Variants in CEP85L observed in about 807,000 individuals in gnomAD.
CEP85L encodes centrosomal protein of 85 kDa-like.
Under a neutral mutation model 100.3 loss-of-function variants are expected in CEP85L, and 60 were observed. The observed-to-expected ratio is 0.60, with a 90% CI of 0.49 to 0.74. CEP85L has a LOEUF of 0.74. CEP85L is among the 30% of genes least tolerant of loss of function. CEP85L has a pLI of 0.00. For missense variants in CEP85L, 973 were observed against 936.2 expected, an observed-to-expected ratio of 1.04 and a Z score of -0.51; for synonymous variants, 319 against 322.7, an observed-to-expected ratio of 0.99 and a Z score of 0.12.
At chr6:118,470,439 T>C (rs1028375081) in intron 11 of CEP85L, 98 bp downstream of exon 11, 26 of 569,028 alleles carry the variant, frequency 4.6e-5, no homozygotes, top group African/African-American at 3.5e-4. Flanking sequence ...CATATCAAAA[T>C]CATGTCTTTA....
At chr6:118,544,941 T>C (rs1778109049) in intron 3 of CEP85L, among the ~76,000 whole-genome samples, 1 of 152,154 alleles carries the variant, frequency 6.6e-6, no homozygotes, top group South Asian at 2.1e-4. Flanking sequence ...GAACCAGTCC[T>C]TCCCTACGTA....
At chr6:118,671,532 G>A (rs868569782) in intron 1 of CEP85L, among the ~76,000 whole-genome samples, 1 of 152,134 alleles carries the variant, frequency 6.6e-6, no homozygotes, top group Non-Finnish European at 1.5e-5. Context: ...CCCTTTTGTT[G>A]TTGAAACTTA....
chr6:118,522,371 A>C (rs2114780032), intron 4 of CEP85L, among the ~76,000 whole-genome samples: 1 of 152,284 alleles, frequency 6.6e-6, no homozygotes, highest in Non-Finnish European at 1.5e-5. Context: ...AATTATATAA[A>C]ATTGCACCTA....
upstream of CEP85L, among the ~76,000 whole-genome samples, chr6:118,653,291 C>G: frequency 6.6e-6 from 1 of 152,136 alleles, no homozygotes; most frequent in Middle Eastern, 3.2e-3. Context: ...ACATGTTGCT[C>G]TTTTGGCACT....
At chr6:118,483,909 A>T in intron 6 of CEP85L, 51 bp from the exon 7 acceptor site, 1 of 1,545,936 alleles carries the variant, frequency 6.5e-7, no homozygotes, top group Non-Finnish European at 8.8e-7. Flanking sequence ...ATTAAAAGAT[A>T]TAACAAAACC....
chr6:118,586,546 T>G (rs1562285646), intron 2 of CEP85L, among the ~76,000 whole-genome samples: 1 of 151,954 alleles, frequency 6.6e-6, no homozygotes, highest in Non-Finnish European at 1.5e-5. Context: ...CAATAAAAGG[T>G]ACAGGAATCG....
intron 3 of CEP85L, among the ~76,000 whole-genome samples, chr6:118,532,095 A>C (rs1425371800): frequency 6.6e-6 from 1 of 152,198 alleles, no homozygotes; most frequent in Non-Finnish European, 1.5e-5. Flanking sequence ...TATGGAATCA[A>C]CCTAAATGCC....
intron 1 of CEP85L, among the ~76,000 whole-genome samples, chr6:118,648,607 T>C (rs997779596): frequency 1.3e-5 from 2 of 151,868 alleles, no homozygotes; most frequent in Non-Finnish European, 2.9e-5. Context: ...CCGGGTGTGG[T>C]GGCGGGAGCC....
chr6:118,510,046 T>C (rs1775879875), intron 5 of CEP85L, among the ~76,000 whole-genome samples: 2 of 152,116 alleles, frequency 1.3e-5, no homozygotes, highest in South Asian at 4.1e-4. Flanking sequence ...CAAATAAATT[T>C]AGAAGGAATA....
Position 118,564,087 on chromosome 6 carries a change from A to G in CEP85L, c.1020+1442T>C, listed in dbSNP as rs149620291. Among the ~76,000 whole-genome samples, 52 of 152,178 alleles carry G rather than the reference A, an allele frequency of 3.4e-4. 1 individual carries two copies. In the East Asian group the frequency reaches 9.1e-3, roughly 27 times the overall value. On this transcript the variant is annotated intron_variant, in intron 3 of 12. Coordinates refer to ENST00000368491, the MANE Select transcript of CEP85L (RefSeq NM_001042475.3). ...ACTATGCACTAGAAAGAAGATTTAA[A>G]AACAAATTTATCTCAACAGTGTGTC...
intron 3 of CEP85L, among the ~76,000 whole-genome samples, chr6:118,537,337 CAG>C (rs1238774741): frequency 9.2e-5 from 14 of 152,058 alleles, no homozygotes; most frequent in African/African-American, 3.4e-4. Flanking sequence ...AAAGGTGAAA[CAG>C]AGACATTTTT....
Position 118,702,339 on chromosome 6 carries a change from C to T in CEP85L, c.-28+7697G>A, listed in dbSNP as rs148850231. ...CAGCCTTGGCAACATAGGGAGACCC[C>T]ATCTCTACAAAATATATTTTAAATT... On this transcript the variant is annotated intron_variant, in intron 1 of 13. Coordinates refer to the CEP85L transcript ENST00000368488. 3.3e-3 allele frequency among the ~76,000 whole-genome samples: 499 copies of T among 152,026 alleles called. 4 individuals carry two copies. The highest frequency in any genetic ancestry group is 0.012 in the African/African-American group (487 of 41,478).
intron 3 of CEP85L, among the ~76,000 whole-genome samples, chr6:118,546,380 G>A (rs1380134119): frequency 6.6e-6 from 1 of 151,794 alleles, no homozygotes; most frequent in African/African-American, 2.4e-5. Flanking sequence ...TTCTGTCTAC[G>A]GCAGCTTCTT....
chr6:118,628,440 G>T (rs911219629), intron 2 of CEP85L, among the ~76,000 whole-genome samples: 7 of 151,710 alleles, frequency 4.6e-5, no homozygotes, highest in Non-Finnish European at 7.4e-5. Flanking sequence ...TAGTAGACTG[G>T]ACTTGGCACA....
At chr6:118,707,669 A>C (rs189062221) in intron 1 of CEP85L, among the ~76,000 whole-genome samples, 21 of 152,338 alleles carry the variant, frequency 1.4e-4, no homozygotes, top group African/African-American at 4.3e-4. Flanking sequence ...GATACATAGA[A>C]ATTTTTAGGT....
At chr6:118,581,260 A>G (rs1780561274) in intron 2 of CEP85L, among the ~76,000 whole-genome samples, 1 of 152,190 alleles carries the variant, frequency 6.6e-6, no homozygotes, top group Non-Finnish European at 1.5e-5. Context: ...CAACAGAGAC[A>G]GTACTTAATT....
chr6:118,651,270 C>G lies in CEP85L; in HGVS notation c.-1G>C. The G allele has an allele frequency of 6.7e-7, 1 of 1,488,550 alleles. No individual in the cohort carries two copies. The highest frequency in any genetic ancestry group is 8.9e-7 in the Non-Finnish European group (1 of 1,124,178). The allele number at this position is 1,488,550 out of a possible 1,614,324, so 92.2% of individuals were successfully genotyped here. A position where few individuals can be genotyped will look rare whatever the true frequency, so the allele number is the denominator to read the frequency against. ...CCGGAGCCAGGAAGCGCCCCCACAT[C>G]GCGGGCGAGAGGGCCGGGTGGGCCA... On this transcript the variant is annotated 5_prime_UTR_variant, in exon 1 of 13. Transcript: ENST00000368491.
rs1772754506 is a variant in CEP85L at position 118,469,203 on chromosome 6, T to A, written c.2123A>T (p.Asp708Val). 1 of 1,613,948 alleles carries A rather than the reference T, an allele frequency of 6.2e-7. No individual in the cohort carries two copies. Among genetic ancestry groups the A allele is most frequent in the Admixed American group, 1.7e-5 (1 of 59,994 alleles). ...GAACAGCTGATCAATCACAGTCAAA[T>A]CAAATAGTGGCCGTTTGGAAAGAAC... ...QTVLSKRPLF[D>V]LTVIDQLFKE... The change falls in exon 12 of 13, where the codon GAT (aspartate) becomes GTT (valine). Residue 708 changes from aspartate to valine, a missense_variant. Asp to Val is a radical substitution (Grantham distance 152). Transcript: ENST00000368491.
At chr6:118,687,655 C>T (rs1776879639) in intron 1 of CEP85L, among the ~76,000 whole-genome samples, 2 of 152,180 alleles carry the variant, frequency 1.3e-5, no homozygotes, top group African/African-American at 4.8e-5. Context: ...TTTGGGTCCC[C>T]TCCCTTTGTA....
Sources: allele counts gnomAD v4.1 joint callset (sites outside exome capture counted in the v4.1 genomes callset), GRCh38; gene constraint gnomAD v4.1.1; transcripts MANE v1.5; gene names NCBI Gene and HGNC (gene_info 2026-07-23, HGNC 2026-07-21).